Variants in SIMC1 observed in about 807,000 individuals in gnomAD.
SIMC1 encodes the protein SUMO interacting motifs containing 1.
Under a neutral mutation model 82.3 loss-of-function variants are expected in SIMC1, and 55 were observed. That is an observed-to-expected ratio of 0.67 (90% CI 0.54 to 0.84). The LOEUF is 0.84. Ranked by LOEUF, SIMC1 falls within the 40% of genes least tolerant of loss-of-function variation. The probability of loss-of-function intolerance (pLI) is 0.00; values close to 1 mark genes in which losing one functional copy is unlikely to be tolerated. For synonymous variants in SIMC1, 353 were observed against 426.3 expected (o/e 0.83, Z 2.12); for missense variants, 915 against 1,107.2 (o/e 0.83, Z 2.46).
chr5:176,313,374 A>G (rs1193487366), intron 4 of SIMC1: 10 of 1,526,626 alleles, frequency 6.6e-6, no homozygotes, highest in Admixed American at 2.2e-5. Context: ...TAGAGATTCC[A>G]GTAGATATCT....
intron 1 of SIMC1, among the ~76,000 whole-genome samples, chr5:176,264,672 TC>T (rs1236346704): frequency 6.6e-6 from 1 of 151,690 alleles, no homozygotes; most frequent in Non-Finnish European, 1.5e-5. Context: ...AAATGCTTGT[TC>T]CTTCCCTACC....
chr5:176,270,188 A>G (rs1033539006), intron 1 of SIMC1: 4 of 151,876 alleles, frequency 2.6e-5, no homozygotes, highest in African/African-American at 9.7e-5. Flanking sequence ...AAATCCATCA[A>G]TATAAATTCT....
chr5:176,254,033 A>G (rs1205264966), intron 1 of SIMC1, among the ~76,000 whole-genome samples: 1 of 152,168 alleles, frequency 6.6e-6, no homozygotes, highest in Non-Finnish European at 1.5e-5. Context: ...GTTACAGCAT[A>G]AAGTATTAGC....
chr5:176,270,390 G>T (rs1762372676), intron 1 of SIMC1: 1 of 152,040 alleles, frequency 6.6e-6, no homozygotes, highest in Non-Finnish European at 1.5e-5. Context: ...TTTCTTTTAA[G>T]TTCAAGAACA....
chr5:176,331,533 T>C (rs917557380), intron 7 of SIMC1, among the ~76,000 whole-genome samples: 7 of 151,258 alleles, frequency 4.6e-5, no homozygotes, highest in Non-Finnish European at 8.8e-5. Context: ...CAGGCTGGTC[T>C]CGAACTCCTG....
At chr5:176,277,441 T>G (rs551536538) in intron 1 of SIMC1, among the ~76,000 whole-genome samples, 1 of 152,014 alleles carries the variant, frequency 6.6e-6, no homozygotes, top group South Asian at 2.1e-4. Context: ...GTGCAGAAGC[T>G]CTTTAGTTTA....
intron 1 of SIMC1, among the ~76,000 whole-genome samples, chr5:176,272,920 TAAAC>T (rs972254374): frequency 1.3e-5 from 2 of 152,054 alleles, no homozygotes; most frequent in African/African-American, 4.8e-5. Flanking sequence ...CTTGAGTAGG[TAAAC>T]AAAGCAGCCA....
At chr5:176,308,280 A>T in intron 4 of SIMC1, 1 of 1,485,194 alleles carries the variant, frequency 6.7e-7, no homozygotes, top group Non-Finnish European at 9.4e-7. Context: ...AGAATTGTTC[A>T]CATTCGTTCT....
Position 176,290,232 on chromosome 5 carries a change from A to G in SIMC1, c.708A>G (p.Pro236=). Residue 236 remains proline (P), a synonymous_variant, in exon 2 of 10, where the codon CCA becomes CCG. Transcript: ENST00000429602. ...GCCCACCGAGAGCCTCACCATGTCC[A>G]CCACGAGCCTCCTCATGCCCACCAC... The part of the protein sequence containing the change: ...LPCPPRASPC[P]PRASSCPPRA... The G allele has an allele frequency of 1.2e-6, 2 of 1,612,414 alleles. No homozygotes were observed. Among genetic ancestry groups the G allele is most frequent in the East Asian group, 4.5e-5 (2 of 44,834 alleles).
chr5:176,277,013 G>T (rs1762737989), intron 1 of SIMC1, among the ~76,000 whole-genome samples: 1 of 151,062 alleles, frequency 6.6e-6, no homozygotes, highest in African/African-American at 2.4e-5. Context: ...GATCCCTGAG[G>T]AATCGCCACA....
intron 1 of SIMC1, among the ~76,000 whole-genome samples, chr5:176,271,324 C>T (rs577862141): frequency 1.1e-4 from 17 of 152,166 alleles, no homozygotes; most frequent in South Asian, 4.2e-4. Flanking sequence ...CTCGCCACTG[C>T]GCTCCAGCCT....
At chr5:176,248,997 G>A (rs914127333) in intron 1 of SIMC1, among the ~76,000 whole-genome samples, 3 of 152,130 alleles carry the variant, frequency 2.0e-5, no homozygotes, top group African/African-American at 7.2e-5. Context: ...GCTGGATTTG[G>A]TGTGCCAGTA....
chr5:176,315,992 C>A (rs962200670), intron 5 of SIMC1, among the ~76,000 whole-genome samples: 1 of 151,148 alleles, frequency 6.6e-6, no homozygotes, highest in Admixed American at 6.6e-5. Context: ...CTGGCCAACA[C>A]GGTGAAACCC....
At chr5:176,308,600 A>G in intron 4 of SIMC1, 3 of 1,584,834 alleles carry the variant, frequency 1.9e-6, no homozygotes, top group Admixed American at 3.3e-5. Flanking sequence ...TACAGGCCCA[A>G]AAGAGTTCAG....
chr5:176,321,539 T>C (rs1263750362), intron 5 of SIMC1, among the ~76,000 whole-genome samples: 3 of 152,160 alleles, frequency 2.0e-5, no homozygotes, highest in African/African-American at 7.2e-5. Context: ...TTAGTGGGGT[T>C]TTAGGAGGAA....
In SIMC1 at chr5:176,295,083, A is replaced by G; in HGVS notation, c.1485A>G (p.Thr495=). ...CTCATCGAAGACTAAGAATGGTAAC[A>G]AATACCATTGAAGAGAATTTTCCTC... ...PIPHRRLRMV[T]NTIEENFPLG... The change falls in exon 3 of 10, where the codon ACA becomes ACG. Residue 495 remains threonine, a synonymous_variant. Transcript: ENST00000429602. The G allele has an allele frequency of 6.2e-7, 1 of 1,613,734 alleles. No individual in the cohort carries two copies. Among genetic ancestry groups the G allele is most frequent in the Non-Finnish European group, 8.5e-7 (1 of 1,179,710 alleles).
At chr5:176,295,403 T>C in intron 3 of SIMC1, 141 bp downstream of exon 3, 1 of 1,405,948 alleles carries the variant, frequency 7.1e-7, no homozygotes, top group African/African-American at 1.4e-5. Context: ...TTGCAAATGA[T>C]AGGAAACCCA....
At position 176,313,765 on chromosome 5, in the gene SIMC1, C is replaced by A; in HGVS notation, c.1809C>A (p.Thr603=). The change falls in exon 5 of 10, where the codon ACC becomes ACA. Residue 603 remains threonine (T), a synonymous_variant. Coordinates refer to ENST00000429602, the MANE Select transcript of SIMC1 (RefSeq NM_001308195.2). The stretch of plus-strand genomic sequence containing the variant: ...CCCTAGAAGATGACTTTCAGCAGAC[C>A]CTGAGGAGGCAACGGCAGCACCTGC... ...VQTLEDDFQQ[T]LRRQRQHLQQ... is the part of the protein sequence containing the mutation. 6.2e-7 allele frequency: 1 copy of A among 1,613,926 alleles called. No homozygotes were observed. The highest frequency in any genetic ancestry group is 8.5e-7 in the Non-Finnish European group (1 of 1,179,856).
chr5:176,242,667 C>A (rs1561666757), intron 1 of SIMC1, among the ~76,000 whole-genome samples: 1 of 152,076 alleles, frequency 6.6e-6, no homozygotes. Context: ...AAATTTCCTA[C>A]AGAAATTGTG....
Sources: gnomAD v4.1 joint callset for allele counts (sites outside exome capture counted in the v4.1 genomes callset) on GRCh38, gnomAD v4.1.1 for gene constraint, MANE v1.5 for transcripts, NCBI Gene and HGNC (gene_info 2026-07-23, HGNC 2026-07-21) for gene names.